PYROXD1: variants seen among roughly 807,000 people sequenced by gnomAD.
PYROXD1 encodes the protein pyridine nucleotide-disulphide oxidoreductase domain 1, also known as tRNA ligase complex-associated NAD(P)H dehydrogenase PYROXD1.
PYROXD1 carries 42 observed loss-of-function variants against 62.0 expected under a neutral mutation model. The ratio of observed to expected loss-of-function variants is 0.68; its 90% CI spans 0.53 to 0.88. The LOEUF is 0.88. PYROXD1 is among the 40% of genes least tolerant of loss of function. The probability of loss-of-function intolerance (pLI) is 0.00; values close to 1 mark genes in which losing one functional copy is unlikely to be tolerated. For synonymous variants in PYROXD1, 170 were observed against 206.4 expected, an observed-to-expected ratio of 0.82 and a Z score of 1.51; for missense variants, 493 against 604.8, an observed-to-expected ratio of 0.82 and a Z score of 1.94.
Position 21,449,696 on chromosome 12 carries a change from C to T in PYROXD1, c.414+5C>T, listed in dbSNP as rs1942456752. 1 of 1,597,658 alleles carries T rather than the reference C, an allele frequency of 6.3e-7. No homozygotes were observed. Among genetic ancestry groups the T allele is most frequent in the African/African-American group, 1.4e-5 (1 of 73,816 alleles). On this transcript the variant is annotated splice_donor_5th_base_variant and intron_variant, in intron 4 of 11. Coordinates refer to ENST00000240651, the MANE Select transcript of PYROXD1 (RefSeq NM_024854.5). ...CGTGATACAGACAGTGCTCAGGTAA[C>T]ATTTTAAGGTTGGATCGTGAGAAGG...
intron 1 of PYROXD1, 160 bp downstream of exon 1, chr12:21,437,974 G>A: frequency 1.5e-6 from 1 of 674,370 alleles, no homozygotes; most frequent in East Asian, 2.7e-5. Flanking sequence ...ACTGCTTGGT[G>A]GTCCTCAGAT....
intron 3 of PYROXD1, chr12:21,448,284 A>G: frequency 2.8e-6 from 1 of 359,330 alleles, no homozygotes; most frequent in Non-Finnish European, 5.4e-6. Flanking sequence ...TAGTGAGGCG[A>G]GGACGCAGAG....
chr12:21,454,296 A>G (rs1011864878), intron 5 of PYROXD1, among the ~76,000 whole-genome samples: 3 of 152,044 alleles, frequency 2.0e-5, no homozygotes, highest in Non-Finnish European at 4.4e-5. Flanking sequence ...TCGCAAGTTT[A>G]GATAAAATCC....
rs576936259 is a variant in PYROXD1 at position 21,456,191 on chromosome 12, T to C, written c.750+96T>C. 2.4e-4 allele frequency: 185 copies of C among 774,668 alleles called. 4 individuals are homozygous for C. The South Asian group carries it at 3.4e-3, about 14-fold the overall frequency. The allele number at this position is 774,668 out of a possible 1,614,324, so 48.0% of individuals were successfully genotyped here. ...GGTAATAAATATATAGTCAACGAAC[T>C]GTTAGGTCACTTTACTTAAAATCCA... On this transcript the variant is annotated intron_variant, in intron 7 of 11. Coordinates refer to ENST00000240651, the MANE Select transcript of PYROXD1 (RefSeq NM_024854.5).
chr12:21,437,837 C>G lies in PYROXD1; in HGVS notation c.84+23C>G, dbSNP rs201594452. The G allele has an allele frequency of 3.1e-6, 5 of 1,603,246 alleles. No individual in the cohort carries two copies. The Admixed American group carries it at 6.8e-5, about 22-fold the overall frequency. On this transcript the variant is annotated intron_variant, in intron 1 of 11. Coordinates refer to ENST00000240651, the MANE Select transcript of PYROXD1 (RefSeq NM_024854.5). ...CAGGTAGGGCGGTGCTCAGGCGGTT[C>G]CGCCTCTTTCCCCGACCCCAAAGGG...
chr12:21,448,085 C>T (rs1454512213), intron 3 of PYROXD1: 7 of 619,712 alleles, frequency 1.1e-5, no homozygotes, highest in East Asian at 2.9e-5. Flanking sequence ...CTGGGCCACT[C>T]AACATGGCTT....
chr12:21,446,924 A>G (rs1375507492), intron 3 of PYROXD1, among the ~76,000 whole-genome samples: 1 of 152,162 alleles, frequency 6.6e-6, no homozygotes, highest in Non-Finnish European at 1.5e-5. Context: ...CAAAAAGGAT[A>G]ATAATAATTT....
chr12:21,469,927 G>C lies in PYROXD1; in HGVS notation c.*1173G>C, dbSNP rs1276466939. 1 of 325,482 alleles carries C rather than the reference G, an allele frequency of 3.1e-6. No homozygotes were observed. Among genetic ancestry groups the C allele is most frequent in the Admixed American group, 4.6e-5 (1 of 21,666 alleles). The allele number at this position is 325,482 out of a possible 1,614,324, so 20.2% of individuals were successfully genotyped here. ...AAGGCATAAAAAACTTAAGACGATT[G>C]TATGAACTTATTCTCAAATATTTTA... On this transcript the variant is annotated 3_prime_UTR_variant, in exon 12 of 12. Coordinates refer to ENST00000240651, the MANE Select transcript of PYROXD1 (RefSeq NM_024854.5).
At chr12:21,455,412 A>C (rs1454883948) in intron 6 of PYROXD1, 120 bp downstream of exon 6, 1 of 408,844 alleles carries the variant, frequency 2.4e-6, no homozygotes, top group Non-Finnish European at 4.2e-6. Context: ...ATATTTATAT[A>C]TCTTTACATG....
At chr12:21,455,419 C>T (rs1391735623) in intron 6 of PYROXD1, 127 bp downstream of exon 6, 2 of 381,196 alleles carry the variant, frequency 5.2e-6, no homozygotes, top group Admixed American at 4.7e-5. Context: ...TATATCTTTA[C>T]ATGAAGTTTT....
chr12:21,456,121 A>T (rs1411281018), intron 7 of PYROXD1, 26 bp downstream of exon 7: 1 of 1,315,122 alleles, frequency 7.6e-7, no homozygotes, highest in Non-Finnish European at 1.1e-6. Context: ...CTAATTGGTC[A>T]TGTCTAAATG....
chr12:21,452,047 A>G (rs1565548283), intron 4 of PYROXD1, 34 bp from the exon 5 acceptor site: 1 of 1,330,998 alleles, frequency 7.5e-7, no homozygotes, highest in South Asian at 1.3e-5. Context: ...CCACTATTAC[A>G]AAATACTACC....
chr12:21,449,446 G>A (rs1379134263), intron 3 of PYROXD1, 117 bp from the exon 4 acceptor site: 1 of 877,060 alleles, frequency 1.1e-6, no homozygotes, highest in Non-Finnish European at 1.7e-6. Flanking sequence ...GCCACCAAGA[G>A]GCAACCTTAA....
intron 10 of PYROXD1, among the ~76,000 whole-genome samples, chr12:21,463,965 G>A (rs1942745435): frequency 6.6e-6 from 1 of 152,206 alleles, no homozygotes; most frequent in Non-Finnish European, 1.5e-5. Context: ...TATGCAGTGT[G>A]AAGTAGGAGA....
At chr12:21,460,640 C>CT (rs1159835694) in intron 7 of PYROXD1, among the ~76,000 whole-genome samples, 2 of 152,120 alleles carry the variant, frequency 1.3e-5, no homozygotes, top group Non-Finnish European at 2.9e-5. Flanking sequence ...CCAGGCTAGT[C>CT]TTGAACTCCT....
At chr12:21,461,360 T>G (rs908531977) in intron 8 of PYROXD1, among the ~76,000 whole-genome samples, 1 of 152,188 alleles carries the variant, frequency 6.6e-6, no homozygotes, top group African/African-American at 2.4e-5. Context: ...TATAGGGCAT[T>G]ACATCTTACA....
chr12:21,455,346 A>G (rs1218006306), intron 6 of PYROXD1, 54 bp downstream of exon 6: 2 of 1,120,158 alleles, frequency 1.8e-6, no homozygotes, highest in Non-Finnish European at 2.4e-6. Flanking sequence ...TTAAAACCAT[A>G]TAGAAAAGGG....
chr12:21,448,549 A>C (rs1393489990), intron 3 of PYROXD1, among the ~76,000 whole-genome samples: 1 of 152,210 alleles, frequency 6.6e-6, no homozygotes, highest in Non-Finnish European at 1.5e-5. Context: ...ACTTGTATAA[A>C]ATTTCTACAT....
intron 10 of PYROXD1, among the ~76,000 whole-genome samples, chr12:21,465,520 T>TGA (rs1250899594): frequency 2.9e-4 from 44 of 152,254 alleles, no homozygotes; most frequent in Middle Eastern, 3.4e-3. Context: ...TGGGGTTGTT[T>TGA]TTTTTTTGTA....
Sources: allele counts gnomAD v4.1 joint callset (sites outside exome capture counted in the v4.1 genomes callset), GRCh38; gene constraint gnomAD v4.1.1; transcripts MANE v1.5; gene names NCBI Gene and HGNC (gene_info 2026-07-23, HGNC 2026-07-21).